GTF2F2: variants seen among roughly 807,000 people sequenced by gnomAD.
GTF2F2 encodes ATP-dependent helicase GTF2F2.
A neutral mutation model predicts 42.2 loss-of-function variants in GTF2F2; 23 were observed. The observed-to-expected ratio is 0.55, with a 90% CI of 0.39 to 0.77. GTF2F2 has a LOEUF of 0.77. Ranked by LOEUF, GTF2F2 falls within the 30% of genes least tolerant of loss-of-function variation. GTF2F2 has a pLI of 0.00. For missense variants in GTF2F2, 261 were observed against 287.2 expected (o/e 0.91, Z 0.66); for synonymous variants, 105 against 100.8 (o/e 1.04, Z -0.25).
chr13:45,190,311 TG>T (rs1872570493), intron 4 of GTF2F2, among the ~76,000 whole-genome samples: 1 of 152,210 alleles, frequency 6.6e-6, no homozygotes, highest in Non-Finnish European at 1.5e-5. Context: ...TTTCACTCAA[TG>T]TTTTAGGAAT....
intron 5 of GTF2F2, among the ~76,000 whole-genome samples, chr13:45,239,637 T>G (rs1422665439): frequency 6.6e-6 from 1 of 152,260 alleles, no homozygotes; most frequent in African/African-American, 2.4e-5. Flanking sequence ...CATCATTCCC[T>G]CACTGGGCAT....
chr13:45,212,824 C>G (rs1176104275), intron 5 of GTF2F2, among the ~76,000 whole-genome samples: 2 of 151,918 alleles, frequency 1.3e-5, no homozygotes, highest in Non-Finnish European at 2.9e-5. Context: ...TCACTACAAC[C>G]TCCGCCTCCC....
At chr13:45,133,221 G>A (rs1869452292) in intron 1 of GTF2F2, among the ~76,000 whole-genome samples, 1 of 152,090 alleles carries the variant, frequency 6.6e-6, no homozygotes, top group African/African-American at 2.4e-5. Context: ...ATAGCAGATG[G>A]GGGACAGTGA....
At chr13:45,267,160 AAAAG>A (rs1317294748) in intron 6 of GTF2F2, 69 bp from the exon 7 acceptor site, 24 of 1,337,256 alleles carry the variant, frequency 1.8e-5, no homozygotes, top group East Asian at 2.3e-5. Context: ...AAAAAAAAAA[AAAAG>A]AGAATGCCTG....
At chr13:45,128,961 T>C (rs1168830277) in intron 1 of GTF2F2, among the ~76,000 whole-genome samples, 1 of 152,196 alleles carries the variant, frequency 6.6e-6, no homozygotes, top group African/African-American at 2.4e-5. Context: ...TTCTTAAATT[T>C]GCCTTAATGT....
chr13:45,252,976 T>C lies in GTF2F2; in HGVS notation c.486+6T>C. The C allele has an allele frequency of 2.4e-5, 28 of 1,148,856 alleles. No homozygotes were observed. Among genetic ancestry groups the C allele is most frequent in the Non-Finnish European group, 3.4e-5 (28 of 813,676 alleles). The allele number at this position is 1,148,856 out of a possible 1,614,324, so 71.2% of individuals were successfully genotyped here. A position where few individuals can be genotyped will look rare whatever the true frequency, so the allele number is the denominator to read the frequency against. On this transcript the variant is annotated splice_donor_region_variant and intron_variant, in intron 6 of 7. Transcript: ENST00000340473. ...TTGCTAATCATCAATACAATGTAAG[T>C]CTTCTGCTTGTCTCTTTTCATTCTT...
intron 4 of GTF2F2, among the ~76,000 whole-genome samples, chr13:45,197,874 TAATGG>T (rs1872979149): frequency 6.6e-6 from 1 of 152,206 alleles, no homozygotes; most frequent in Non-Finnish European, 1.5e-5. Context: ...CTGCTCAATT[TAATGG>T]TTTCAGCAGA....
At chr13:45,206,434 C>T (rs567182518) in intron 4 of GTF2F2, 2 of 152,262 alleles carry the variant, frequency 1.3e-5, no homozygotes, top group African/African-American at 4.8e-5. Context: ...GGGCCTTTTG[C>T]ATAGCAGACA....
chr13:45,185,458 C>T (rs115286269), intron 4 of GTF2F2, among the ~76,000 whole-genome samples: 1,928 of 152,272 alleles, frequency 0.013, 50 homozygotes, highest in African/African-American at 0.044. Context: ...CACATGTAGA[C>T]TTACACATGT....
chr13:45,145,550 G>A (rs1018475405), intron 2 of GTF2F2, among the ~76,000 whole-genome samples: 3 of 152,158 alleles, frequency 2.0e-5, no homozygotes, highest in Non-Finnish European at 2.9e-5. Flanking sequence ...CTTTACATCT[G>A]TATTTCTATA....
In GTF2F2 at chr13:45,221,271, C is replaced by T. The variant is rs543652634; in HGVS notation, c.386+13766C>T. ...TTGACAAGACACATCTAGTCAATGA[C>T]CAAGTCCTGTTAGTTGTACCAACAC... On this transcript the variant is annotated intron_variant, in intron 5 of 7. Transcript: ENST00000340473. 2.6e-5 allele frequency among the ~76,000 whole-genome samples: 4 copies of T among 152,220 alleles called. No individual in the cohort carries two copies. The South Asian group carries it at 8.3e-4, about 32-fold the overall frequency.
chr13:45,259,881 C>T (rs945835007), intron 6 of GTF2F2, among the ~76,000 whole-genome samples: 18 of 152,092 alleles, frequency 1.2e-4, no homozygotes, highest in African/African-American at 4.1e-4. Flanking sequence ...TGAGCCACTG[C>T]GCCTGGCCAA....
At chr13:45,191,419 TTTAC>T (rs1161274660) in intron 4 of GTF2F2, among the ~76,000 whole-genome samples, 2 of 151,342 alleles carry the variant, frequency 1.3e-5, no homozygotes, top group Non-Finnish European at 2.9e-5. Context: ...TGGAACAGTA[TTTAC>T]TTATGAGAAA....
intron 6 of GTF2F2, among the ~76,000 whole-genome samples, chr13:45,262,399 A>G (rs770016920): frequency 1.3e-5 from 2 of 152,168 alleles, no homozygotes; most frequent in Admixed American, 6.6e-5. Context: ...AATTAAAACA[A>G]TAATATTTTT....
chr13:45,277,483 G>C (rs1260945177), intron 7 of GTF2F2, among the ~76,000 whole-genome samples: 2 of 152,172 alleles, frequency 1.3e-5, no homozygotes, highest in East Asian at 3.9e-4. Flanking sequence ...TAATTCATGA[G>C]AGTTCCGTCC....
intron 5 of GTF2F2, among the ~76,000 whole-genome samples, chr13:45,238,604 A>G (rs578248010): frequency 2.6e-5 from 4 of 151,990 alleles, no homozygotes; most frequent in Non-Finnish European, 5.9e-5. Flanking sequence ...AAAGCAGTTT[A>G]CTTTCATAAA....
chr13:45,254,420 T>C (rs1329953601), intron 6 of GTF2F2, among the ~76,000 whole-genome samples: 3 of 152,350 alleles, frequency 2.0e-5, no homozygotes, highest in South Asian at 2.1e-4. Flanking sequence ...GTGTATCTTA[T>C]ATGTACTATA....
intron 4 of GTF2F2, among the ~76,000 whole-genome samples, chr13:45,195,659 C>T (rs1872854048): frequency 1.3e-5 from 2 of 152,114 alleles, no homozygotes; most frequent in African/African-American, 4.8e-5. Flanking sequence ...TCCTCTTTCC[C>T]CTATAACTTC....
chr13:45,125,464 C>T (rs1167797658), intron 1 of GTF2F2, among the ~76,000 whole-genome samples: 3 of 152,066 alleles, frequency 2.0e-5, no homozygotes, highest in Non-Finnish European at 4.4e-5. Flanking sequence ...GGGCTACAGG[C>T]GCGGGCCACC....
Sources: allele counts gnomAD v4.1 joint callset (sites outside exome capture counted in the v4.1 genomes callset), GRCh38; gene constraint gnomAD v4.1.1; transcripts MANE v1.5; gene names NCBI Gene and HGNC (gene_info 2026-07-23, HGNC 2026-07-21).